IFT140: variants seen among roughly 807,000 people sequenced by gnomAD.
IFT140 encodes intraflagellar transport 140, also known as intraflagellar transport protein 140 homolog.
A neutral mutation model predicts 164.6 loss-of-function variants in IFT140; 133 were observed. The ratio of observed to expected loss-of-function variants is 0.81; its 90% CI spans 0.70 to 0.93. The LOEUF (loss-of-function observed/expected upper bound fraction) is 0.93. IFT140 is among the 40% of genes least tolerant of loss of function. The pLI is 0.00. For missense variants in IFT140, 2,045 were observed against 1,972.3 expected, an observed-to-expected ratio of 1.04 and a Z score of -0.70; for synonymous variants, 860 against 817.3, an observed-to-expected ratio of 1.05 and a Z score of -0.89.
Position 1,519,867 on chromosome 16 carries a change from C to A in IFT140, c.4040+14G>T. ...ATCTGCCCTGGCCTGTCCCCGCTGG[C>A]CCCGGGGGCACACCTGCGGGCCTGG... On this transcript the variant is annotated intron_variant, in intron 29 of 30. Coordinates refer to ENST00000426508, the MANE Select transcript of IFT140 (RefSeq NM_014714.4). The A allele has an allele frequency of 6.6e-7, 1 of 1,522,990 alleles. No individual in the cohort carries two copies. 94.3% of individuals were successfully genotyped at this position (1,522,990 alleles called of 1,614,324 possible).
In IFT140 at chr16:1,511,158, A is replaced by G. The variant is rs1207528279; in HGVS notation, c.4183-8T>C. The G allele has an allele frequency of 6.3e-7, 1 of 1,595,704 alleles. No individual in the cohort carries two copies. The highest frequency in any genetic ancestry group is 8.5e-7 in the Non-Finnish European group (1 of 1,172,212). ...CTCCAGGAATCTGTAGGCCTGGGGC[A>G]GAGGAGCAGACATTACTCAGCTTTC... is the stretch of plus-strand genomic sequence containing the variant. On this transcript the variant is annotated splice_polypyrimidine_tract_variant and splice_region_variant and intron_variant, in intron 30 of 30. Coordinates refer to ENST00000426508, the MANE Select transcript of IFT140 (RefSeq NM_014714.4).
At position 1,549,932 on chromosome 16, in the gene IFT140, A is replaced by T. The variant is rs146715563; in HGVS notation, c.2399+8003T>A. ...GTTGCGTGTGGACATGTGAACTCATACTTCTTTAATCAGTTTATCTACATT... is the reference window on the plus strand; with the variant it reads ...GTTGCGTGTGGACATGTGAACTCATTCTTCTTTAATCAGTTTATCTACATT... On this transcript the variant is annotated intron_variant, in intron 19 of 30. Transcript: ENST00000426508. Among the ~76,000 whole-genome samples the T allele has an allele frequency of 2.1e-3, 326 of 152,228 alleles. 1 individual carries two copies. The highest frequency in any genetic ancestry group is 7.2e-3 in the African/African-American group (299 of 41,528).
At chr16:1,555,191 T>C in intron 19 of IFT140, 1 of 867,634 alleles carries the variant, frequency 1.2e-6, no homozygotes, top group Non-Finnish European at 1.7e-6. Flanking sequence ...TTTACTGTTA[T>C]GTCGGTCATA....
At position 1,551,212 on chromosome 16, in the gene IFT140, C is replaced by T. The variant is rs557114525; in HGVS notation, c.2399+6723G>A. Reference sequence around the variant, plus strand: ...TCAATGGTGGGGCAAGTTCTGGCCCCGGGGAGCCTGCCCTGTGGCGGGGGA... The same window carrying T: ...TCAATGGTGGGGCAAGTTCTGGCCCTGGGGAGCCTGCCCTGTGGCGGGGGA... On this transcript the variant is annotated intron_variant, in intron 19 of 30. Transcript: ENST00000426508. This position sits in a 1 kb window ranked among gnomAD's most constrained non-coding sequence, Gnocchi z 4.0. Among the ~76,000 whole-genome samples the T allele has an allele frequency of 2.0e-5, 3 of 152,354 alleles. No homozygotes were observed. Among genetic ancestry groups the T allele is most frequent in the East Asian group, 1.9e-4 (1 of 5,190 alleles).
At chr16:1,562,497 C>G (rs3784838) in intron 17 of IFT140, among the ~76,000 whole-genome samples, 12,899 of 152,180 alleles carry the variant, frequency 0.085, 656 homozygotes, top group African/African-American at 0.14. Context: ...TAGCAGGCTG[C>G]GCACAGTGGC....
chr16:1,586,553 G>C (rs974821783), intron 9 of IFT140, among the ~76,000 whole-genome samples: 3 of 152,216 alleles, frequency 2.0e-5, no homozygotes, highest in African/African-American at 7.2e-5. Flanking sequence ...GCAGGCACTA[G>C]AGACGCGGCT....
In IFT140 at chr16:1,551,743, T is replaced by C. The variant is rs1041066084; in HGVS notation, c.2399+6192A>G. On this transcript the variant is annotated intron_variant, in intron 19 of 30. Coordinates refer to ENST00000426508, the MANE Select transcript of IFT140 (RefSeq NM_014714.4). The surrounding 1 kb of genome is among the most constrained non-coding windows in gnomAD (Gnocchi z 4.0). Reference sequence around the variant, plus strand: ...ACGGGGTTTTGTTGGGAGCTACCTATACAAAGGAGGCCACACCACACGTGC... The same window carrying C: ...ACGGGGTTTTGTTGGGAGCTACCTACACAAAGGAGGCCACACCACACGTGC... Among the ~76,000 whole-genome samples, 3 of 152,084 alleles carry C rather than the reference T, an allele frequency of 2.0e-5. No individual in the cohort carries two copies. The highest frequency in any genetic ancestry group is 6.5e-5 in the Admixed American group (1 of 15,270).
In IFT140 at chr16:1,586,138, G is replaced by C; in HGVS notation, c.1147C>G (p.Gln383Glu). 1 of 1,612,934 alleles carries C rather than the reference G, an allele frequency of 6.2e-7. No individual in the cohort carries two copies. The change falls in exon 10 of 31, where the codon CAA becomes GAA. Residue 383 changes from glutamine to glutamate, a missense_variant. Transcript: ENST00000426508. ...ACCCTTGGAGGCTGTACCTGGATTT[G>C]CGTGATGTTTCCTTGGAGCTCGGTA... ...TPTELQGNIT[Q>E]IQWGSRKNLL...
chr16:1,534,155 C>A, intron 19 of IFT140: 2 of 1,314,634 alleles, frequency 1.5e-6, no homozygotes, highest in African/African-American at 1.5e-5. Context: ...CCGCCCGCGC[C>A]GCCCCGAGGA....
In IFT140 at chr16:1,564,099, C is replaced by A; in HGVS notation, c.1965G>T (p.Gln655His). Residue 655 changes from glutamine to histidine, a missense_variant, in exon 17 of 31, where the codon CAG (glutamine) becomes CAT (histidine). Transcript: ENST00000426508. The surrounding 1 kb of genome is among the most constrained non-coding windows in gnomAD (Gnocchi z 5.5). ...NYVPVNHFWD[Q>H]SEPRLFVCEA... ...CGCATACAAACAGCCGGGGCTCACT[C>A]TGGTCCCAGAAGTGGTTCACGGGAA... is the stretch of plus-strand genomic sequence containing the variant. The A allele has an allele frequency of 6.2e-7, 1 of 1,602,092 alleles. No individual in the cohort carries two copies. The highest frequency in any genetic ancestry group is 8.5e-7 in the Non-Finnish European group (1 of 1,170,718).
At chr16:1,588,054 C>G in intron 7 of IFT140, 30 bp from the exon 8 acceptor site, 1 of 1,602,952 alleles carries the variant, frequency 6.2e-7, no homozygotes, top group Non-Finnish European at 8.5e-7. Context: ...AGCAGAGGCA[C>G]CGTGCTTGCT....
intron 3 of IFT140, among the ~76,000 whole-genome samples, chr16:1,605,396 C>G (rs532066643): frequency 6.6e-6 from 1 of 151,900 alleles, no homozygotes; most frequent in African/African-American, 2.4e-5. Context: ...AGGAGGAAAC[C>G]TCATTTTCTT....
At chr16:1,558,969 G>A (rs1346848592) in intron 18 of IFT140, among the ~76,000 whole-genome samples, 4 of 152,254 alleles carry the variant, frequency 2.6e-5, no homozygotes, top group African/African-American at 7.2e-5. Context: ...CCTCATGGGC[G>A]AGACGGCACT....
intron 19 of IFT140, among the ~76,000 whole-genome samples, chr16:1,538,163 C>A (rs1381230398): frequency 2.0e-5 from 3 of 152,214 alleles, no homozygotes; most frequent in South Asian, 4.1e-4. Flanking sequence ...GCAGGAGTGC[C>A]TCCTTCCTGG....
intron 19 of IFT140, chr16:1,532,435 C>T (rs1488132067): frequency 6.6e-6 from 1 of 152,348 alleles, no homozygotes. Flanking sequence ...GGAACAGACA[C>T]AGGGCGTGTG....
At chr16:1,602,320 G>A (rs2035834793) in intron 4 of IFT140, 50 bp downstream of exon 4, 2 of 1,510,698 alleles carry the variant, frequency 1.3e-6, no homozygotes, top group Non-Finnish European at 9.2e-7. Flanking sequence ...CTCGAGCATG[G>A]TCAGAAAGGG....
intron 19 of IFT140, among the ~76,000 whole-genome samples, chr16:1,544,842 G>T (rs1323294309): frequency 6.6e-6 from 1 of 151,412 alleles, no homozygotes; most frequent in African/African-American, 2.4e-5. Context: ...TAGAGACGGG[G>T]TTTCACCGTG....
rs778126741 is a variant in IFT140, at chr16:1,520,288, C to G, written c.3716G>C (p.Ser1239Thr). The G allele has an allele frequency of 1.2e-6, 2 of 1,614,206 alleles. No homozygotes were observed. Among genetic ancestry groups the G allele is most frequent in the East Asian group, 2.2e-5 (1 of 44,882 alleles). The change falls in exon 28 of 31, where the codon AGC becomes ACC. Residue 1239 changes from serine to threonine, a missense_variant. By Grantham distance (58) the Ser-to-Thr change is moderately conservative. Transcript: ENST00000426508. ...GTAGATTTCCTTCTGCCTGGACACGCTCGCGAAGAACGTGATTTTCTCCGT... is the reference window on the plus strand; with the variant it reads ...GTAGATTTCCTTCTGCCTGGACACGGTCGCGAAGAACGTGATTTTCTCCGT... ...GDTEKITFFA[S>T]VSRQKEIYIM...
In IFT140 at chr16:1,523,271, T is replaced by C. The variant is rs1020451069; in HGVS notation, c.3453+247A>G. On this transcript the variant is annotated intron_variant, in intron 26 of 30. Transcript: ENST00000426508. ...GTAAATTTTGTGTTCTGTGTGTTTT[T>C]ACCCCCCACCATAGGTGAGTGCACC... 5.3e-5 allele frequency among the ~76,000 whole-genome samples: 8 copies of C among 152,028 alleles called. No individual in the cohort carries two copies. In the East Asian group the frequency reaches 1.4e-3, roughly 26 times the overall value.
Sources: allele counts gnomAD v4.1 joint callset (sites outside exome capture counted in the v4.1 genomes callset), GRCh38; gene constraint gnomAD v4.1.1; non-coding constraint Gnocchi (gnomAD v3.1); transcripts MANE v1.5; gene names NCBI Gene and HGNC (gene_info 2026-07-23, HGNC 2026-07-21).